Variants in ADCY5 observed in about 807,000 individuals in gnomAD.
ADCY5 encodes the protein adenylate cyclase 5.
A neutral mutation model predicts 119.7 loss-of-function variants in ADCY5; 30 were observed. The ratio of observed to expected loss-of-function variants is 0.25; its 90% CI spans 0.19 to 0.34. The LOEUF is 0.34. ADCY5 is among the 10% of genes least tolerant of loss of function. ADCY5 has a pLI of 1.00. For synonymous variants in ADCY5, 753 were observed against 762.2 expected (o/e 0.99, Z 0.20); for missense variants, 1,324 against 1,775.2 (o/e 0.75, Z 4.57).
intron 1 of ADCY5, among the ~76,000 whole-genome samples, chr3:123,357,442 G>A (rs1943079284): frequency 6.6e-6 from 1 of 152,156 alleles, no homozygotes; most frequent in South Asian, 2.1e-4. Flanking sequence ...CTCTCCTGCT[G>A]TAATCTGACT....
chr3:123,396,876 C>G (rs75675026), intron 1 of ADCY5, among the ~76,000 whole-genome samples: 2,468 of 146,976 alleles, frequency 0.017, 71 homozygotes, highest in African/African-American at 0.059. Context: ...CAGTGGATCA[C>G]GGGCCCTGCT....
intron 1 of ADCY5, among the ~76,000 whole-genome samples, chr3:123,423,459 C>T (rs1473240397): frequency 3.3e-5 from 5 of 152,190 alleles, no homozygotes; most frequent in African/African-American, 4.8e-5. Context: ...GATCTTTAGG[C>T]GCCGAGGACT....
At chr3:123,381,248 G>A (rs984516063) in intron 1 of ADCY5, among the ~76,000 whole-genome samples, 2 of 152,180 alleles carry the variant, frequency 1.3e-5, no homozygotes, top group Admixed American at 1.3e-4. Flanking sequence ...AGAGGTCTCC[G>A]TCACAGTACA....
intron 1 of ADCY5, among the ~76,000 whole-genome samples, chr3:123,385,308 C>CACACAT (rs146236659): frequency 0.067 from 9,795 of 147,276 alleles, 774 homozygotes; most frequent in East Asian, 0.25. Flanking sequence ...CACACACACA[C>CACACAT]ACGCACGCAC....
In ADCY5 at chr3:123,447,950, G is replaced by A. The variant is rs558200846; in HGVS notation, c.596C>T (p.Pro199Leu). Residue 199 changes from proline (P) to leucine (L), a missense_variant, in exon 1 of 21, where the codon CCC (proline) becomes CTC (leucine). By Grantham distance (98) the Pro-to-Leu change is moderately conservative (BLOSUM62 -3). This residue lies in a region of ADCY5 where 585 missense variants were observed against 569.9 expected (regional missense o/e 1.03). Coordinates refer to ENST00000462833, the MANE Select transcript of ADCY5 (RefSeq NM_183357.3). Reference protein sequence around the residue: ...SSADSGSGAGPGAVLSLGACC... With the variant: ...SSADSGSGAGLGAVLSLGACC... ...GGCGCCCAGGGACAGCACCGCGCCG[G>A]GCCCCGCGCCCGAGCCCGAGTCCGC... 9.8e-5 allele frequency: 151 copies of A among 1,536,132 alleles called. 1 individual carries two copies. The South Asian group carries it at 1.5e-3, about 15-fold the overall frequency.
chr3:123,334,849 T>C (rs935827256), intron 3 of ADCY5, among the ~76,000 whole-genome samples: 9 of 152,236 alleles, frequency 5.9e-5, no homozygotes, highest in Admixed American at 1.3e-4. Context: ...TGTGGAATGG[T>C]TGATTGGGCT....
chr3:123,356,412 T>C (rs1347326404), intron 1 of ADCY5, among the ~76,000 whole-genome samples: 2 of 152,208 alleles, frequency 1.3e-5, no homozygotes, highest in Non-Finnish European at 2.9e-5. Flanking sequence ...ACCTTTAGTT[T>C]TGACAAATGT....
At chr3:123,431,137 A>G (rs1342186758) in intron 1 of ADCY5, among the ~76,000 whole-genome samples, 1 of 152,248 alleles carries the variant, frequency 6.6e-6, no homozygotes, top group Non-Finnish European at 1.5e-5. Context: ...CTACCTGTTG[A>G]GTAAACTGGA....
chr3:123,424,212 G>A (rs539684809), intron 1 of ADCY5, among the ~76,000 whole-genome samples: 1 of 152,224 alleles, frequency 6.6e-6, no homozygotes, highest in Non-Finnish European at 1.5e-5. Flanking sequence ...GGTGGGCAGG[G>A]CTGGGCACAC....
At position 123,330,905 on chromosome 3, in the gene ADCY5, TG is replaced by T; in HGVS notation, c.1629del (p.Asp543GlufsTer2). On this transcript the variant is annotated frameshift_variant, in exon 5 of 21. Transcript: ENST00000462833. LOFTEE classifies it high-confidence loss of function. ...GACACTTACGAGATGGCCTCGATCA[TG>T]TCCATGCCCATCTCCACACAGCAGT... is the stretch of plus-strand genomic sequence containing the variant. ...HAHCCVEMGM[D>X]MIEAISLVRE... 6.2e-7 allele frequency: 1 copy of T among 1,613,166 alleles called. No individual in the cohort carries two copies. Among genetic ancestry groups the T allele is most frequent in the Non-Finnish European group, 8.5e-7 (1 of 1,179,588 alleles).
intron 1 of ADCY5, among the ~76,000 whole-genome samples, chr3:123,353,658 G>C (rs892768984): frequency 1.8e-4 from 28 of 152,198 alleles, no homozygotes; most frequent in African/African-American, 6.8e-4. Context: ...TTAGTCCCAA[G>C]TCCTGGGGTA....
At chr3:123,294,711 G>A (rs1576531372) in intron 17 of ADCY5, among the ~76,000 whole-genome samples, 1 of 152,158 alleles carries the variant, frequency 6.6e-6, no homozygotes, top group Admixed American at 6.5e-5. Context: ...GACCAGCATC[G>A]GGACAGTCGG....
chr3:123,383,567 C>G (rs755754454), intron 1 of ADCY5, among the ~76,000 whole-genome samples: 6 of 152,186 alleles, frequency 3.9e-5, no homozygotes, highest in Non-Finnish European at 7.3e-5. Context: ...TCCCACCTTA[C>G]TGGAGATGGA....
chr3:123,394,174 T>G (rs1326645479), intron 1 of ADCY5, among the ~76,000 whole-genome samples: 1 of 152,234 alleles, frequency 6.6e-6, no homozygotes, highest in African/African-American at 2.4e-5. Flanking sequence ...TTTCTAACTT[T>G]AAAGAGATAC....
rs562080737 is a variant in ADCY5, at chr3:123,290,353, A to C, written c.3328-399T>G. Among the ~76,000 whole-genome samples, 3 of 151,884 alleles carry C rather than the reference A, an allele frequency of 2.0e-5. No individual in the cohort carries two copies. The South Asian group carries it at 6.3e-4, about 32-fold the overall frequency. On this transcript the variant is annotated intron_variant, in intron 18 of 20. Transcript: ENST00000462833. ...CCGGCCCTCCTGGAAGCCTTCCCAC[A>C]CTCAACTCAGCCAACTCCCATCACT...
intron 1 of ADCY5, among the ~76,000 whole-genome samples, chr3:123,414,382 G>A (rs573642720): frequency 2.2e-4 from 33 of 152,144 alleles, no homozygotes; most frequent in African/African-American, 7.5e-4. Flanking sequence ...TTTCCACTTC[G>A]CTGACACTCC....
intron 3 of ADCY5, among the ~76,000 whole-genome samples, chr3:123,345,032 T>G (rs914316127): frequency 4.6e-5 from 7 of 152,154 alleles, no homozygotes; most frequent in Non-Finnish European, 8.8e-5. Flanking sequence ...GTGGCAGGGG[T>G]CTGACATGCA....
intron 1 of ADCY5, among the ~76,000 whole-genome samples, chr3:123,411,677 C>G (rs115142326): frequency 3.9e-3 from 589 of 152,336 alleles, no homozygotes; most frequent in Middle Eastern, 0.02. Context: ...AGGACTCGTT[C>G]CAGAGGCAAA....
At chr3:123,365,085 C>G (rs548785137) in intron 1 of ADCY5, among the ~76,000 whole-genome samples, 11 of 152,088 alleles carry the variant, frequency 7.2e-5, no homozygotes, top group Admixed American at 2.0e-4. Flanking sequence ...AGGCGCCCAC[C>G]ACCATGCCTA....
Sources: gnomAD v4.1 joint callset for allele counts (sites outside exome capture counted in the v4.1 genomes callset) on GRCh38, gnomAD v4.1.1 for gene constraint, gnomAD v4.1.1 regional missense constraint, MANE v1.5 for transcripts, NCBI Gene and HGNC (gene_info 2026-07-23, HGNC 2026-07-21) for gene names.